The following RAPGEF3 variants were observed in gnomAD, a reference collection of about 807,000 sequenced individuals.
The protein encoded by RAPGEF3 is 9330170P05Rik.
RAPGEF3 carries 103 observed loss-of-function variants against 129.8 expected under a neutral mutation model. The ratio of observed to expected loss-of-function variants is 0.79; its 90% CI spans 0.68 to 0.93. The LOEUF (loss-of-function observed/expected upper bound fraction) is 0.93, where lower values mean the gene tolerates loss of function less well. RAPGEF3 is among the 40% of genes least tolerant of loss of function. The pLI is 0.00. For missense variants in RAPGEF3, 1,117 were observed against 1,207.4 expected, an observed-to-expected ratio of 0.93 and a Z score of 1.11; for synonymous variants, 436 against 482.6, an observed-to-expected ratio of 0.90 and a Z score of 1.26.
At position 47,743,651 on chromosome 12, in the gene RAPGEF3, G is replaced by C; in HGVS notation, c.1704C>G (p.Asp568Glu). ...GCAGCTGCAGGGTCAACACTGAGTG[G>C]TCTGGCCGGCAGATGTCATAGGGGA... ...DKVPYDICRP[D>E]HSVLTLQLPV... Residue 568 changes from aspartate to glutamate, a missense_variant, in exon 18 of 28, where the codon GAC becomes GAG. Physicochemically the swap from Asp to Glu is conservative, Grantham distance 45. Around this residue, in one of 3 missense-constraint regions of RAPGEF3, gnomAD observed 643 missense variants for 673.4 expected, o/e 0.95. Transcript: ENST00000449771. 6.2e-7 allele frequency: 1 copy of C among 1,610,986 alleles called. No individual in the cohort carries two copies. The highest frequency in any genetic ancestry group is 8.5e-7 in the Non-Finnish European group (1 of 1,177,444).
chr12:47,743,653 C>G lies in RAPGEF3; in HGVS notation c.1702G>C (p.Asp568His). 1 of 1,610,704 alleles carries G rather than the reference C, an allele frequency of 6.2e-7. No homozygotes were observed. The highest frequency in any genetic ancestry group is 8.5e-7 in the Non-Finnish European group (1 of 1,177,198). ...AGCTGCAGGGTCAACACTGAGTGGT[C>G]TGGCCGGCAGATGTCATAGGGGACT... Reference protein sequence around the residue: ...DKVPYDICRPDHSVLTLQLPV... With the variant: ...DKVPYDICRPHHSVLTLQLPV... The change falls in exon 18 of 28, where the codon GAC becomes CAC. Residue 568 changes from aspartate to histidine, a missense_variant. Coordinates refer to ENST00000449771, the MANE Select transcript of RAPGEF3 (RefSeq NM_001098531.4).
At chr12:47,751,702 G>A (rs1674016056) in intron 4 of RAPGEF3, 21 bp downstream of exon 4, 6 of 1,610,250 alleles carry the variant, frequency 3.7e-6, no homozygotes, top group Non-Finnish European at 5.1e-6. Flanking sequence ...TGGGCAAGGA[G>A]GCAGCAGGGC....
Position 47,741,578 on chromosome 12 carries a change from G to T in RAPGEF3, c.1850C>A (p.Ala617Asp). 1 of 1,614,134 alleles carries T rather than the reference G, an allele frequency of 6.2e-7. No individual in the cohort carries two copies. ...CCCCAGAGATGTGGCCACACCACGG[G>T]CATCTGGCTGCAGGCCAATGGCATC... Reference protein sequence around the residue: ...AGDAIGLQPDARGVATSLGLN... With the variant: ...AGDAIGLQPDDRGVATSLGLN... Residue 617 changes from alanine (A) to aspartate (D), a missense_variant, in exon 19 of 28, where the codon GCC (alanine) becomes GAC (aspartate). This residue lies in a region of RAPGEF3 where 643 missense variants were observed against 673.4 expected (regional missense o/e 0.95). Transcript: ENST00000449771.
At position 47,739,053 on chromosome 12, in the gene RAPGEF3, A is replaced by C. The variant is rs910287548; in HGVS notation, c.2461+90T>G. On this transcript the variant is annotated intron_variant, in intron 24 of 27. Transcript: ENST00000449771. The stretch of plus-strand genomic sequence containing the variant: ...AGAGTGGGTGCACACACAGATAGGC[A>C]TGGGATGGGGGATGGAGGCAGGAAG... 37 of 1,163,090 alleles carry C rather than the reference A, an allele frequency of 3.2e-5. No individual in the cohort carries two copies. In the African/African-American group the frequency reaches 4.5e-4, roughly 14 times the overall value. 72.0% of individuals were successfully genotyped at this position (1,163,090 alleles called of 1,614,324 possible).
At position 47,758,827 on chromosome 12, in the gene RAPGEF3, T is replaced by C; in HGVS notation, c.-271A>G. On this transcript the variant is annotated 5_prime_UTR_variant, in exon 1 of 28. Coordinates refer to ENST00000449771, the MANE Select transcript of RAPGEF3 (RefSeq NM_001098531.4). ...CGACAGGGAGCCCCGAGCCTGCGCC[T>C]TCGTCTCAGACGAAGGAGCCAGCTG... is the stretch of plus-strand genomic sequence containing the variant. The C allele has an allele frequency of 8.2e-7, 1 of 1,217,092 alleles. No homozygotes were observed. The highest frequency in any genetic ancestry group is 1.0e-6 in the Non-Finnish European group (1 of 975,384). The allele number at this position is 1,217,092 out of a possible 1,614,324, so 75.4% of individuals were successfully genotyped here. A position where few individuals can be genotyped will look rare whatever the true frequency, so the allele number is the denominator to read the frequency against.
chr12:47,747,166 C>G (rs892339917), intron 15 of RAPGEF3, among the ~76,000 whole-genome samples: 1 of 152,162 alleles, frequency 6.6e-6, no homozygotes, highest in Non-Finnish European at 1.5e-5. Context: ...CAGATGAGCT[C>G]CCAACCCCCC....
chr12:47,754,718 G>C (rs1380875879), intron 2 of RAPGEF3, among the ~76,000 whole-genome samples: 2 of 152,084 alleles, frequency 1.3e-5, no homozygotes, highest in East Asian at 3.8e-4. Flanking sequence ...TTTCATGATG[G>C]GCCCTATTAC....
At position 47,735,896 on chromosome 12, in the gene RAPGEF3, A is replaced by G. The variant is rs11168214; in HGVS notation, c.*1671T>C. 40,372 of 152,276 alleles carry G rather than the reference A, an allele frequency of 0.27. 5,465 individuals carry two copies. The highest frequency in any genetic ancestry group is 0.33 in the Middle Eastern group (99 of 296). The allele number at this position is 152,276 out of a possible 1,614,324, so 9.4% of individuals were successfully genotyped here. A position where few individuals can be genotyped will look rare whatever the true frequency, so the allele number is the denominator to read the frequency against. On this transcript the variant is annotated 3_prime_UTR_variant, in exon 28 of 28. Transcript: ENST00000449771. The stretch of plus-strand genomic sequence containing the variant: ...CCTCCTGTCCTGATTGCTCAGTTCC[A>G]GATGCTTCCGTGCTTCTCCTGTGTC...
chr12:47,748,525 C>T lies in RAPGEF3; in HGVS notation c.1172G>A (p.Gly391Asp), dbSNP rs1941566878. The change falls in exon 12 of 28, where the codon GGC (glycine) becomes GAC (aspartate). Residue 391 changes from glycine (G) to aspartate (D), a missense_variant. By Grantham distance (94) the Gly-to-Asp change is moderately conservative (BLOSUM62 -1). This residue lies in a region of RAPGEF3 where 107 missense variants were observed against 160.7 expected (regional missense o/e 0.67). Transcript: ENST00000449771. Reference protein sequence around the residue: ...PGRNRYTVMSGTPEKILELLL... With the variant: ...PGRNRYTVMSDTPEKILELLL... ...AAGCTCTAGGATCTTCTCTGGGGTG[C>T]CAGACATCACTGTATACCTAGCAGA... 4.3e-6 allele frequency: 7 copies of T among 1,613,804 alleles called. No individual in the cohort carries two copies. The highest frequency in any genetic ancestry group is 1.7e-4 in the Middle Eastern group (1 of 6,046).
rs1940775145 is a variant in RAPGEF3 at position 47,735,631 on chromosome 12, T to A, written c.*1936A>T. On this transcript the variant is annotated 3_prime_UTR_variant, in exon 28 of 28. Coordinates refer to ENST00000449771, the MANE Select transcript of RAPGEF3 (RefSeq NM_001098531.4). The stretch of plus-strand genomic sequence containing the variant: ...AGGGTGGTCTGGACTGTAAAGCTGA[T>A]GGTCCAAGGAGGAGGGAGAAGTCCC... The A allele has an allele frequency of 6.6e-6, 1 of 152,280 alleles. No homozygotes were observed. Among genetic ancestry groups the A allele is most frequent in the South Asian group, 2.1e-4 (1 of 4,832 alleles). The allele number at this position is 152,280 out of a possible 1,614,324, so 9.4% of individuals were successfully genotyped here. A position where few individuals can be genotyped will look rare whatever the true frequency, so the allele number is the denominator to read the frequency against.
chr12:47,740,567 A>T, intron 21 of RAPGEF3, 75 bp downstream of exon 21: 1 of 1,560,230 alleles, frequency 6.4e-7, no homozygotes, highest in African/African-American at 1.4e-5. Context: ...GCAACATACT[A>T]AGCAAAGAGG....
chr12:47,741,697 AG>A, intron 18 of RAPGEF3, 95 bp from the exon 19 acceptor site: 1 of 1,053,466 alleles, frequency 9.5e-7, no homozygotes. Context: ...GGAGGCTGAG[AG>A]GTTGTTTCTC....
At chr12:47,746,755 G>A (rs1278036873) in intron 16 of RAPGEF3, 105 bp downstream of exon 16, 11 of 1,259,358 alleles carry the variant, frequency 8.7e-6, no homozygotes, top group African/African-American at 4.5e-5. Flanking sequence ...TGTGTCTGTG[G>A]GAGGAGAGCT....
At chr12:47,750,989 C>T (rs184002497) in intron 6 of RAPGEF3, 59 bp downstream of exon 6, 25 of 1,555,774 alleles carry the variant, frequency 1.6e-5, no homozygotes, top group Middle Eastern at 3.4e-4. Context: ...TCTGAGAAAC[C>T]GTGAAATCTG....
At chr12:47,752,982 C>A (rs568003651) in intron 2 of RAPGEF3, among the ~76,000 whole-genome samples, 1 of 152,356 alleles carries the variant, frequency 6.6e-6, no homozygotes, top group South Asian at 2.1e-4. Flanking sequence ...CACGACCCTT[C>A]TCTTCCTACC....
intron 24 of RAPGEF3, 109 bp downstream of exon 24, chr12:47,739,034 G>T: frequency 2.0e-6 from 2 of 980,974 alleles, no homozygotes; most frequent in Non-Finnish European, 3.1e-6. Flanking sequence ...CAACAGAGTG[G>T]GTGCACACAC....
chr12:47,735,647 G>A lies in RAPGEF3; in HGVS notation c.*1920C>T, dbSNP rs1056452020. 2 of 152,366 alleles carry A rather than the reference G, an allele frequency of 1.3e-5. No homozygotes were observed. Among genetic ancestry groups the A allele is most frequent in the Admixed American group, 1.3e-4 (2 of 15,282 alleles). 9.4% of individuals were successfully genotyped at this position (152,366 alleles called of 1,614,324 possible). Reference sequence around the variant, plus strand: ...TAAAGCTGATGGTCCAAGGAGGAGGGAGAAGTCCCATCAGGACGTAGATGT... The same window carrying A: ...TAAAGCTGATGGTCCAAGGAGGAGGAAGAAGTCCCATCAGGACGTAGATGT... On this transcript the variant is annotated 3_prime_UTR_variant, in exon 28 of 28. Transcript: ENST00000449771.
Position 47,751,967 on chromosome 12 carries a change from T to A in RAPGEF3, c.222A>T (p.Thr74=). ...GGGACTCCTCGCTGTTGGTGAGTGG[T>A]GTCTGGGGGCAGCAGGGAAAGCGTG... ...RPSCIQGLRW[T]PLTNSEESLD... Residue 74 remains threonine, a splice_region_variant and synonymous_variant, in exon 3 of 28, where the codon ACA becomes ACT. Transcript: ENST00000449771. 1.5e-5 allele frequency: 25 copies of A among 1,614,044 alleles called. No individual in the cohort carries two copies. The highest frequency in any genetic ancestry group is 2.0e-5 in the Non-Finnish European group (24 of 1,179,980).
rs762229273 is a variant in RAPGEF3 at position 47,748,163 on chromosome 12, G to A, written c.1244-11C>T. On this transcript the variant is annotated splice_polypyrimidine_tract_variant and intron_variant, in intron 12 of 27. Transcript: ENST00000449771. Reference sequence around the variant, plus strand: ...CGCTGAGGAATGTCTCTGTATGACAGGGTGAGGGGATGGGAGGAGGCTTCA... The same window carrying A: ...CGCTGAGGAATGTCTCTGTATGACAAGGTGAGGGGATGGGAGGAGGCTTCA... The A allele has an allele frequency of 3.8e-6, 6 of 1,563,674 alleles. No homozygotes were observed. In the South Asian group the frequency reaches 7.0e-5, roughly 18 times the overall value.
Sources: allele counts gnomAD v4.1 joint callset (sites outside exome capture counted in the v4.1 genomes callset), GRCh38; gene constraint gnomAD v4.1.1; regional missense constraint gnomAD v4.1.1; transcripts MANE v1.5; gene names NCBI Gene and HGNC (gene_info 2026-07-23, HGNC 2026-07-21).